Variants in NBAS observed in about 807,000 individuals in gnomAD.
The protein encoded by NBAS is NBAS subunit of NRZ tethering complex.
NBAS carries 219 observed loss-of-function variants against 302.5 expected under a neutral mutation model. That is an observed-to-expected ratio of 0.72 (90% CI 0.65 to 0.81). The LOEUF is 0.81. NBAS is among the 30% of genes least tolerant of loss of function. NBAS has a pLI of 0.00. For synonymous variants in NBAS, 1,118 were observed against 1,021.6 expected (o/e 1.09, Z -1.80); for missense variants, 2,932 against 2,841.6 (o/e 1.03, Z -0.72).
chr2:14,935,423 C>T, the NBAS span, among the ~76,000 whole-genome samples: 1 of 152,122 alleles, frequency 6.6e-6, no homozygotes, highest in Non-Finnish European at 1.5e-5. Context: ...GATAACAAGT[C>T]ATTTTTTAAG....
At chr2:15,442,278 A>G (rs912848352) in intron 21 of NBAS, among the ~76,000 whole-genome samples, 1 of 145,816 alleles carries the variant, frequency 6.9e-6, no homozygotes, top group Non-Finnish European at 1.5e-5. Context: ...CAAATGTAAA[A>G]GAGCAGAAAT....
the NBAS span, among the ~76,000 whole-genome samples, chr2:14,866,317 T>C: frequency 1.3e-5 from 2 of 152,198 alleles, no homozygotes; most frequent in Non-Finnish European, 2.9e-5. Context: ...GACCAACCCA[T>C]GTTCTCTAAC....
chr2:15,534,699 A>G (rs1663400437), intron 8 of NBAS, 58 bp from the exon 9 acceptor site: 6 of 1,193,452 alleles, frequency 5.0e-6, no homozygotes, highest in Admixed American at 1.7e-5. Flanking sequence ...GAATATCACT[A>G]AATACCCAAT....
chr2:15,311,740 C>T lies in NBAS; in HGVS notation c.4583-2493G>A, dbSNP rs576593091. ...TTAGTTCCCCCTCACAACCTCTCTACGGAAGAAGTTAGATGTTTTCCTCAA... is the reference window on the plus strand; with the variant it reads ...TTAGTTCCCCCTCACAACCTCTCTATGGAAGAAGTTAGATGTTTTCCTCAA... On this transcript the variant is annotated intron_variant, in intron 38 of 51. Coordinates refer to ENST00000281513, the MANE Select transcript of NBAS (RefSeq NM_015909.4). Among the ~76,000 whole-genome samples the T allele has an allele frequency of 8.0e-4, 122 of 152,264 alleles. 1 individual carries two copies. The highest frequency in any genetic ancestry group is 1.5e-3 in the Non-Finnish European group (103 of 68,024).
chr2:15,190,777 A>G (rs192753723), intron 48 of NBAS, among the ~76,000 whole-genome samples: 1 of 152,338 alleles, frequency 6.6e-6, no homozygotes, highest in East Asian at 1.9e-4. Flanking sequence ...TTATCCCAAC[A>G]TGAAATCCTA....
the NBAS span, among the ~76,000 whole-genome samples, chr2:15,107,173 G>T: frequency 9.2e-5 from 14 of 151,960 alleles, no homozygotes; most frequent in African/African-American, 3.4e-4. Context: ...AACTTATAGG[G>T]GTAGGATCTT....
the NBAS span, among the ~76,000 whole-genome samples, chr2:15,012,326 CT>C: frequency 6.6e-6 from 1 of 151,822 alleles, no homozygotes; most frequent in African/African-American, 2.4e-5. Context: ...AAGAAAAGGC[CT>C]CTTGAAATAA....
chr2:14,842,871 C>T, the NBAS span, among the ~76,000 whole-genome samples: 1 of 144,760 alleles, frequency 6.9e-6, no homozygotes, highest in Non-Finnish European at 1.5e-5. Flanking sequence ...AAAACATATA[C>T]AGCAATATTG....
At chr2:15,207,674 T>C (rs1666211551) in intron 48 of NBAS, among the ~76,000 whole-genome samples, 1 of 151,884 alleles carries the variant, frequency 6.6e-6, no homozygotes, top group Non-Finnish European at 1.5e-5. Flanking sequence ...AGAGTTCTCA[T>C]GAGATCTGGT....
intron 47 of NBAS, among the ~76,000 whole-genome samples, chr2:15,229,627 C>T (rs1033655878): frequency 6.6e-6 from 1 of 151,346 alleles, no homozygotes; most frequent in Non-Finnish European, 1.5e-5. Flanking sequence ...ACTAAGAATA[C>T]AAAAATTAGC....
At chr2:15,541,038 A>G (rs1663791547) in intron 6 of NBAS, among the ~76,000 whole-genome samples, 1 of 152,058 alleles carries the variant, frequency 6.6e-6, no homozygotes, top group South Asian at 2.1e-4. Flanking sequence ...CGTGCCTTTT[A>G]TACATATTGC....
intron 21 of NBAS, among the ~76,000 whole-genome samples, chr2:15,443,993 G>A (rs1214002490): frequency 2.0e-5 from 3 of 151,650 alleles, no homozygotes; most frequent in Non-Finnish European, 4.4e-5. Flanking sequence ...ACTGCTCAAT[G>A]AAATAAAAGA....
chr2:15,225,677 C>G (rs1667123977), intron 47 of NBAS, among the ~76,000 whole-genome samples: 1 of 151,998 alleles, frequency 6.6e-6, no homozygotes, highest in Admixed American at 6.6e-5. Context: ...ACAATCAAAC[C>G]CCCCCAAAAA....
the NBAS span, among the ~76,000 whole-genome samples, chr2:14,854,623 G>A: frequency 6.6e-6 from 1 of 152,060 alleles, no homozygotes; most frequent in African/African-American, 2.4e-5. Context: ...GTATCTCTGG[G>A]ACCTGGGGCA....
the NBAS span, among the ~76,000 whole-genome samples, chr2:15,135,512 G>A: frequency 0.078 from 11,852 of 152,126 alleles, 509 homozygotes; most frequent in African/African-American, 0.13. Context: ...GGCCTTTCCC[G>A]CCCTGCTGCA....
At chr2:15,431,854 C>A (rs1417030354) in intron 21 of NBAS, among the ~76,000 whole-genome samples, 2 of 151,878 alleles carry the variant, frequency 1.3e-5, no homozygotes, top group African/African-American at 2.4e-5. Context: ...AAAAAAAAGA[C>A]AAGAATACAT....
At chr2:15,113,203 T>G in the NBAS span, among the ~76,000 whole-genome samples, 1 of 152,040 alleles carries the variant, frequency 6.6e-6, no homozygotes, top group Non-Finnish European at 1.5e-5. Context: ...TAGGGGGGCC[T>G]TGAGAACAAG....
At chr2:14,904,621 G>T in the NBAS span, among the ~76,000 whole-genome samples, 1,067 of 93,102 alleles carry the variant, frequency 0.011, 35 homozygotes, top group Admixed American at 0.069. Context: ...GACTCAGTAT[G>T]ATAGGCTGTG....
chr2:15,104,347 T>C, the NBAS span, among the ~76,000 whole-genome samples: 1 of 152,214 alleles, frequency 6.6e-6, no homozygotes, highest in Non-Finnish European at 1.5e-5. Flanking sequence ...AGAAGACTAA[T>C]ACAATAGGCC....
Sources: gnomAD v4.1 joint callset for allele counts (sites outside exome capture counted in the v4.1 genomes callset) on GRCh38, gnomAD v4.1.1 for gene constraint, MANE v1.5 for transcripts, NCBI Gene and HGNC (gene_info 2026-07-23, HGNC 2026-07-21) for gene names.